The following GPR180 variants were observed in gnomAD, a reference collection of about 807,000 sequenced individuals.
GPR180 encodes the protein G protein-coupled receptor 180, also known as integral membrane protein GPR180.
A neutral mutation model predicts 52.6 loss-of-function variants in GPR180; 53 were observed. The ratio of observed to expected loss-of-function variants is 1.01; its 90% confidence interval spans 0.81 to 1.27. GPR180 has a LOEUF of 1.27. Ranked by LOEUF, GPR180 falls within the 50% of genes most tolerant of loss-of-function variation. The probability of loss-of-function intolerance (pLI) is 0.00; values close to 1 mark genes in which losing one functional copy is unlikely to be tolerated. For synonymous variants in GPR180, 200 were observed against 193.1 expected (o/e 1.04, Z -0.30); for missense variants, 533 against 527.0 (o/e 1.01, Z -0.11).
At chr13:94,615,493 T>C (rs534290178) in intron 3 of GPR180, among the ~76,000 whole-genome samples, 1 of 152,378 alleles carries the variant, frequency 6.6e-6, no homozygotes, top group African/African-American at 2.4e-5. Flanking sequence ...GTATTTTATA[T>C]CTACCAGACT....
At position 94,619,263 on chromosome 13, in the gene GPR180, A is replaced by G. The variant is rs989947681; in HGVS notation, c.619A>G (p.Lys207Glu). The G allele has an allele frequency of 7.4e-6, 12 of 1,614,048 alleles. No homozygotes were observed. The highest frequency in any genetic ancestry group is 9.3e-6 in the Non-Finnish European group (11 of 1,180,024). ...AGGCGGACCCATGCACATGATTTTA[A>G]AGGTTCTGACAACTGCATTGCTGTT... ...KKGGPMHMIL[K>E]VLTTALLLQA... Residue 207 changes from lysine to glutamate, a missense_variant, in exon 4 of 9, where the codon AAG becomes GAG. By Grantham distance (56) the Lys-to-Glu change is moderately conservative. Coordinates refer to ENST00000376958, the MANE Select transcript of GPR180 (RefSeq NM_180989.6).
chr13:94,623,604 T>G (rs1889884104), intron 7 of GPR180, among the ~76,000 whole-genome samples: 1 of 151,476 alleles, frequency 6.6e-6, no homozygotes, highest in African/African-American at 2.4e-5. Context: ...TGCTTGAGCC[T>G]GTGCATTGAA....
chr13:94,620,939 A>G, intron 5 of GPR180, 139 bp from the exon 6 acceptor site: 2 of 683,076 alleles, frequency 2.9e-6, no homozygotes, highest in Non-Finnish European at 4.8e-6. Flanking sequence ...ATATCTCTTA[A>G]TGAATTTCGT....
chr13:94,627,237 T>C lies in GPR180; in HGVS notation c.*66T>C, dbSNP rs1359339957. ...GAGTGCAATAAGGATCCAAATACAGTGACTTTTTTTTCATACATTTAGTAT... is the reference window on the plus strand; with the variant it reads ...GAGTGCAATAAGGATCCAAATACAGCGACTTTTTTTTCATACATTTAGTAT... On this transcript the variant is annotated 3_prime_UTR_variant, in exon 9 of 9. Coordinates refer to ENST00000376958, the MANE Select transcript of GPR180 (RefSeq NM_180989.6). The C allele has an allele frequency of 1.9e-5, 26 of 1,391,246 alleles. No individual in the cohort carries two copies. The highest frequency in any genetic ancestry group is 2.6e-5 in the Non-Finnish European group (26 of 1,005,258). The allele number at this position is 1,391,246 out of a possible 1,614,324, so 86.2% of individuals were successfully genotyped here.
Position 94,619,311 on chromosome 13 carries a change from A to G in GPR180, c.667A>G (p.Asn223Asp), listed in dbSNP as rs1437740404. Residue 223 changes from asparagine (N) to aspartate (D), a missense_variant, in exon 4 of 9, where the codon AAT (asparagine) becomes GAT (aspartate). Coordinates refer to ENST00000376958, the MANE Select transcript of GPR180 (RefSeq NM_180989.6). ...LLLQAGSALA[N>D]YIHFSSYSKD... ...GTTACAAGCTGGTTCAGCTTTAGCT[A>G]ATTACATTCATTTCTCCAGGTAACT... 1.9e-6 allele frequency: 3 copies of G among 1,613,798 alleles called. No homozygotes were observed. Among genetic ancestry groups the G allele is most frequent in the Non-Finnish European group, 2.5e-6 (3 of 1,179,906 alleles).
chr13:94,610,898 A>G (rs1018749570), intron 2 of GPR180, among the ~76,000 whole-genome samples: 3 of 152,206 alleles, frequency 2.0e-5, no homozygotes, highest in African/African-American at 7.2e-5. Flanking sequence ...ATTACCCTGG[A>G]TTGAGAACCA....
intron 2 of GPR180, among the ~76,000 whole-genome samples, chr13:94,609,069 A>G (rs909048102): frequency 6.6e-6 from 1 of 152,194 alleles, no homozygotes; most frequent in Non-Finnish European, 1.5e-5. Flanking sequence ...GGAATTTTCT[A>G]TCAGATTACA....
At chr13:94,615,799 G>A (rs188053594) in intron 3 of GPR180, among the ~76,000 whole-genome samples, 3 of 152,278 alleles carry the variant, frequency 2.0e-5, no homozygotes, top group Admixed American at 2.0e-4. Flanking sequence ...AATTCTAGCA[G>A]CTATGTTCAT....
At chr13:94,616,110 CATGTCT>C (rs959476414) in intron 3 of GPR180, among the ~76,000 whole-genome samples, 3 of 152,298 alleles carry the variant, frequency 2.0e-5, no homozygotes, top group African/African-American at 7.2e-5. Flanking sequence ...TTCTGAGCAT[CATGTCT>C]AGATGATTGC....
chr13:94,605,620 T>C lies in GPR180; in HGVS notation c.304+71T>C, dbSNP rs532857522. The C allele has an allele frequency of 4.8e-5, 59 of 1,217,920 alleles. No homozygotes were observed. The African/African-American group carries it at 7.6e-4, about 16-fold the overall frequency. 75.4% of individuals were successfully genotyped at this position (1,217,920 alleles called of 1,614,324 possible). A position where few individuals can be genotyped will look rare whatever the true frequency, so the allele number is the denominator to read the frequency against. On this transcript the variant is annotated intron_variant, in intron 2 of 8. Coordinates refer to ENST00000376958, the MANE Select transcript of GPR180 (RefSeq NM_180989.6). ...CTCCTAATGTTGAAATATAGTACCA[T>C]ATGTACATATGTTATGTTTCCTGAC...
At chr13:94,604,738 C>T (rs1889607737) in intron 1 of GPR180, among the ~76,000 whole-genome samples, 1 of 151,922 alleles carries the variant, frequency 6.6e-6, no homozygotes, top group Admixed American at 6.6e-5. Flanking sequence ...CCAAGCCCAG[C>T]TAATTTTTTT....
rs976780246 is a variant in GPR180, at chr13:94,620,948, G to A, written c.737-130G>A. The stretch of plus-strand genomic sequence containing the variant: ...CTGCGAATATCTCTTAATGAATTTC[G>A]TTAGCTTCTCTTTGAAAATGGCTTT... On this transcript the variant is annotated intron_variant, in intron 5 of 8. Coordinates refer to ENST00000376958, the MANE Select transcript of GPR180 (RefSeq NM_180989.6). The A allele has an allele frequency of 6.4e-5, 47 of 728,862 alleles. No homozygotes were observed. In the South Asian group the frequency reaches 7.3e-4, roughly 11 times the overall value. 45.1% of individuals were successfully genotyped at this position (728,862 alleles called of 1,614,324 possible).
intron 2 of GPR180, among the ~76,000 whole-genome samples, chr13:94,606,969 A>T (rs183509108): frequency 4.5e-4 from 68 of 152,330 alleles, no homozygotes; most frequent in African/African-American, 1.5e-3. Context: ...AGTGTTGCAC[A>T]TATGTGTAAA....
At chr13:94,610,281 A>T (rs2139565741) in intron 2 of GPR180, among the ~76,000 whole-genome samples, 1 of 152,324 alleles carries the variant, frequency 6.6e-6, no homozygotes, top group African/African-American at 2.4e-5. Flanking sequence ...ACCTCAAGAA[A>T]TGTCTTTTAT....
At chr13:94,618,224 C>T (rs1223779246) in intron 3 of GPR180, among the ~76,000 whole-genome samples, 2 of 152,180 alleles carry the variant, frequency 1.3e-5, no homozygotes, top group African/African-American at 2.4e-5. Context: ...CCTGTCCCAA[C>T]ATCAGCTCCT....
Position 94,623,210 on chromosome 13 carries a change from C to G in GPR180, c.996C>G (p.Cys332Trp). The change falls in exon 7 of 9, where the codon TGC becomes TGG. Residue 332 changes from cysteine to tryptophan, a missense_variant. Cys to Trp is a radical substitution (Grantham distance 215). Transcript: ENST00000376958. ...AGILLIVLRICLALSLGCGLY... is the reference protein window; with the variant it reads ...AGILLIVLRIWLALSLGCGLY... ...TCCTCCTAATTGTTCTAAGAATTTG[C>G]CTAGCATTGTCATTAGGCTGTGGAC... is the stretch of plus-strand genomic sequence containing the variant. 6.2e-7 allele frequency: 1 copy of G among 1,613,814 alleles called. No individual in the cohort carries two copies. The highest frequency in any genetic ancestry group is 8.5e-7 in the Non-Finnish European group (1 of 1,179,774).
chr13:94,612,228 C>T lies in GPR180; in HGVS notation c.343C>T (p.Gln115Ter). The T allele has an allele frequency of 6.2e-7, 1 of 1,614,102 alleles. No homozygotes were observed. Among genetic ancestry groups the T allele is most frequent in the Non-Finnish European group, 8.5e-7 (1 of 1,179,990 alleles). ...NQTEHNLTVS[Q>*]IPSPQTWHVF... ...GACCGAACATAATCTGACAGTGTCCCAGATTCCGTCTCCACAAACGTGGCA... is the reference window on the plus strand; with the variant it reads ...GACCGAACATAATCTGACAGTGTCCTAGATTCCGTCTCCACAAACGTGGCA... The change falls in exon 3 of 9, where the codon CAG becomes TAG. Residue 115 changes from glutamine to a stop codon, truncating the protein, a stop_gained. Transcript: ENST00000376958. LOFTEE classifies it high-confidence loss of function.
At chr13:94,624,811 G>A (rs1373766120) in intron 7 of GPR180, among the ~76,000 whole-genome samples, 1 of 152,040 alleles carries the variant, frequency 6.6e-6, no homozygotes. Context: ...CAAAGTGCTG[G>A]GATTACAGGC....
At chr13:94,609,603 A>G (rs2139565372) in intron 2 of GPR180, among the ~76,000 whole-genome samples, 1 of 152,308 alleles carries the variant, frequency 6.6e-6, no homozygotes, top group African/African-American at 2.4e-5. Flanking sequence ...TTATATAATG[A>G]GGTCCGGATT....
Sources: gnomAD v4.1 joint callset for allele counts (sites outside exome capture counted in the v4.1 genomes callset) on GRCh38, gnomAD v4.1.1 for gene constraint, MANE v1.5 for transcripts, NCBI Gene and HGNC (gene_info 2026-07-23, HGNC 2026-07-21) for gene names.